Variants in LNPEP observed in about 807,000 individuals in gnomAD.
LNPEP encodes leucyl-cystinyl aminopeptidase.
A neutral mutation model predicts 120.6 loss-of-function variants in LNPEP; 64 were observed. The observed-to-expected ratio is 0.53, with a 90% CI of 0.43 to 0.65. LNPEP has a LOEUF of 0.65. LNPEP is among the 30% of genes least tolerant of loss of function. The pLI is 0.00. For synonymous variants in LNPEP, 435 were observed against 425.4 expected (o/e 1.02, Z -0.28); for missense variants, 1,057 against 1,200.0 (o/e 0.88, Z 1.76).
rs757731144 is a variant in LNPEP at position 96,979,385 on chromosome 5, G to C, written c.267G>C (p.Arg89=). 1.2e-6 allele frequency: 2 copies of C among 1,614,074 alleles called. No individual in the cohort carries two copies. Among genetic ancestry groups the C allele is most frequent in the South Asian group, 2.2e-5 (2 of 91,078 alleles). ...MSFMNRSSGL[R]NSATGYRQSP... ...TCATGAATAGAAGCTCAGGCCTTCG[G>C]AACAGTGCAACTGGTTACAGGCAGA... Residue 89 remains arginine, a synonymous_variant, in exon 2 of 18, where the codon CGG becomes CGC. Coordinates refer to ENST00000231368, the MANE Select transcript of LNPEP (RefSeq NM_005575.3).
chr5:97,008,948 A>G (rs1019464582), intron 11 of LNPEP, among the ~76,000 whole-genome samples: 8 of 151,240 alleles, frequency 5.3e-5, no homozygotes, highest in Non-Finnish European at 1.2e-4. Flanking sequence ...CACTGTGCCC[A>G]CCCTCCTCTT....
intron 3 of LNPEP, among the ~76,000 whole-genome samples, chr5:96,985,465 A>G (rs1035558660): frequency 6.6e-6 from 1 of 152,216 alleles, no homozygotes; most frequent in African/African-American, 2.4e-5. Context: ...GTGAGTGTGC[A>G]TTGTATATTA....
intron 1 of LNPEP, among the ~76,000 whole-genome samples, chr5:96,975,410 C>G (rs1027645392): frequency 6.6e-6 from 1 of 152,172 alleles, no homozygotes; most frequent in Non-Finnish European, 1.5e-5. Flanking sequence ...GTCTCCTACC[C>G]TGCAGGTCCA....
At chr5:97,023,807 T>C (rs1791272359) in intron 14 of LNPEP, among the ~76,000 whole-genome samples, 1 of 152,224 alleles carries the variant, frequency 6.6e-6, no homozygotes, top group Non-Finnish European at 1.5e-5. Context: ...AACTGCCATA[T>C]TGTTTTCTAC....
At chr5:96,970,982 C>T (rs528456341) in intron 1 of LNPEP, among the ~76,000 whole-genome samples, 6 of 152,004 alleles carry the variant, frequency 3.9e-5, no homozygotes, top group African/African-American at 9.6e-5. Flanking sequence ...TCTGAGTTTC[C>T]GTCTGGTAGT....
Position 97,034,412 on chromosome 5 carries a change from TG to T in LNPEP, c.*5880del, listed in dbSNP as rs1008270462. Reference sequence around the variant, plus strand: ...AAGGGATTTTGTTTTTTTGTTTTTTTGTTTTTTTTTTGGTAGGGGAGGTGGG... The same window carrying T: ...AAGGGATTTTGTTTTTTTGTTTTTTTTTTTTTTTTTGGTAGGGGAGGTGGG... On this transcript the variant is annotated 3_prime_UTR_variant, in exon 18 of 18. Coordinates refer to ENST00000231368, the MANE Select transcript of LNPEP (RefSeq NM_005575.3). The T allele has an allele frequency of 6.6e-6, 1 of 150,524 alleles. No homozygotes were observed. The highest frequency in any genetic ancestry group is 2.5e-5 in the African/African-American group (1 of 40,194). The allele number at this position is 150,524 out of a possible 1,614,324, so 9.3% of individuals were successfully genotyped here. A position where few individuals can be genotyped will look rare whatever the true frequency, so the allele number is the denominator to read the frequency against.
At chr5:96,975,759 T>C (rs541300565) in intron 1 of LNPEP, among the ~76,000 whole-genome samples, 20 of 152,298 alleles carry the variant, frequency 1.3e-4, no homozygotes, top group African/African-American at 4.8e-4. Flanking sequence ...TGTCAAATTG[T>C]CATAAAAGTT....
At chr5:96,985,758 G>GTT (rs535139069) in intron 3 of LNPEP, among the ~76,000 whole-genome samples, 6,100 of 139,250 alleles carry the variant, frequency 0.044, 184 homozygotes, top group Middle Eastern at 0.12. Flanking sequence ...GTCTTTTTTT[G>GTT]TTTTTTTTTT....
chr5:96,988,414 C>G (rs974724966), intron 4 of LNPEP, among the ~76,000 whole-genome samples: 1 of 143,498 alleles, frequency 7.0e-6, no homozygotes, highest in Non-Finnish European at 1.5e-5. Context: ...TTTCGGTTCA[C>G]CACAACCTCT....
chr5:96,999,048 A>C (rs1007675127), intron 8 of LNPEP, among the ~76,000 whole-genome samples: 1 of 152,166 alleles, frequency 6.6e-6, no homozygotes, highest in Admixed American at 6.5e-5. Flanking sequence ...ACACGTGAAG[A>C]GGGAAAAGAA....
chr5:96,958,368 T>G, intron 1 of LNPEP: 1 of 529,764 alleles, frequency 1.9e-6, no homozygotes, highest in Non-Finnish European at 2.4e-6. Context: ...AGAATTGCTT[T>G]CTTCATCTAT....
chr5:97,017,279 T>C (rs1791089036), intron 13 of LNPEP, among the ~76,000 whole-genome samples: 1 of 152,170 alleles, frequency 6.6e-6, no homozygotes, highest in African/African-American at 2.4e-5. Flanking sequence ...TAGATGTTCT[T>C]TTGTAAAATG....
rs576042168 is a variant in LNPEP, at chr5:97,006,682, A to G, written c.2035+167A>G. Among the ~76,000 whole-genome samples, 3 of 152,380 alleles carry G rather than the reference A, an allele frequency of 2.0e-5. No homozygotes were observed. The East Asian group carries it at 5.8e-4, about 29-fold the overall frequency. On this transcript the variant is annotated intron_variant, in intron 11 of 17. Coordinates refer to ENST00000231368, the MANE Select transcript of LNPEP (RefSeq NM_005575.3). The stretch of plus-strand genomic sequence containing the variant: ...GAGATTGATTCTGTATATCATGCAC[A>G]AAACTGGCTTTTAGCCATGTGAAAT...
At chr5:96,939,170 A>T (rs1788992190) in intron 1 of LNPEP, among the ~76,000 whole-genome samples, 1 of 151,644 alleles carries the variant, frequency 6.6e-6, no homozygotes, top group Admixed American at 6.6e-5. Flanking sequence ...CTGATTAAGG[A>T]GGTCTGATTA....
At position 96,993,808 on chromosome 5, in the gene LNPEP, T is replaced by C; in HGVS notation, c.1253-9T>C. The stretch of plus-strand genomic sequence containing the variant: ...GGAAAGTTGATCACTTATTTCCTGT[T>C]ATGTCCAGATTTGGTGGCTATTCCT... On this transcript the variant is annotated splice_polypyrimidine_tract_variant and intron_variant, in intron 5 of 17. Transcript: ENST00000231368. The C allele has an allele frequency of 6.2e-6, 10 of 1,613,126 alleles. No individual in the cohort carries two copies. The highest frequency in any genetic ancestry group is 8.5e-6 in the Non-Finnish European group (10 of 1,179,474).
At position 97,030,956 on chromosome 5, in the gene LNPEP, G is replaced by C. The variant is rs1053440084; in HGVS notation, c.*2423G>C. 1 of 151,844 alleles carries C rather than the reference G, an allele frequency of 6.6e-6. No homozygotes were observed. Among genetic ancestry groups the C allele is most frequent in the Non-Finnish European group, 1.5e-5 (1 of 67,966 alleles). 9.4% of individuals were successfully genotyped at this position (151,844 alleles called of 1,614,324 possible). A position where few individuals can be genotyped will look rare whatever the true frequency, so the allele number is the denominator to read the frequency against. On this transcript the variant is annotated 3_prime_UTR_variant, in exon 18 of 18. Transcript: ENST00000231368. ...GTCAGGAATGTAAGGTTAAATGAGA[G>C]GTAGAACTTGTAGTGTAATAGGTAT...
chr5:96,967,402 C>T lies in LNPEP; in HGVS notation c.20-11736C>T, dbSNP rs547747621. 6.6e-5 allele frequency among the ~76,000 whole-genome samples: 10 copies of T among 152,098 alleles called. No homozygotes were observed. In the South Asian group the frequency reaches 2.1e-3, roughly 32 times the overall value. ...TCAAGTGATCCTCCTGCCTCAGCCT[C>T]CCAAAGTGCTGAGATTACAGGTATG... On this transcript the variant is annotated intron_variant, in intron 1 of 17. Coordinates refer to ENST00000231368, the MANE Select transcript of LNPEP (RefSeq NM_005575.3).
chr5:96,970,767 A>G (rs1231017840), intron 1 of LNPEP, among the ~76,000 whole-genome samples: 1 of 152,000 alleles, frequency 6.6e-6, no homozygotes, highest in Non-Finnish European at 1.5e-5. Flanking sequence ...GTACCATTTC[A>G]CATTCTATAC....
chr5:96,988,620 AT>A (rs1413101138), intron 4 of LNPEP, among the ~76,000 whole-genome samples: 3 of 151,556 alleles, frequency 2.0e-5, no homozygotes, highest in Non-Finnish European at 4.4e-5. Context: ...TTTTTTAAAA[AT>A]TTTTTTAGTG....
Sources: allele counts gnomAD v4.1 joint callset (sites outside exome capture counted in the v4.1 genomes callset), GRCh38; gene constraint gnomAD v4.1.1; transcripts MANE v1.5; gene names NCBI Gene and HGNC (gene_info 2026-07-23, HGNC 2026-07-21).